The following ACTN2 variants were observed in gnomAD, a reference collection of about 807,000 sequenced individuals.
ACTN2 encodes actinin alpha 2.
In ACTN2, 39 loss-of-function variants were observed where a neutral mutation model predicts 113.8. That is an observed-to-expected ratio of 0.34 (90% CI 0.27 to 0.45). The LOEUF is 0.45. ACTN2 is among the 20% of genes least tolerant of loss of function. ACTN2 has a pLI of 1.00. For missense variants in ACTN2, 992 were observed against 1,177.9 expected (o/e 0.84, Z 2.31); for synonymous variants, 429 against 444.1 (o/e 0.97, Z 0.43).
At chr1:236,712,815 A>G (rs1475534135) in intron 1 of ACTN2, among the ~76,000 whole-genome samples, 1 of 152,176 alleles carries the variant, frequency 6.6e-6, no homozygotes, top group African/African-American at 2.4e-5. Context: ...TAACAGACAA[A>G]GTATGATGAC....
intron 1 of ACTN2, among the ~76,000 whole-genome samples, chr1:236,704,693 C>T (rs966261473): frequency 6.6e-6 from 1 of 152,196 alleles, no homozygotes; most frequent in African/African-American, 2.4e-5. Flanking sequence ...GAAAGGGGTG[C>T]ATAGCTTCTA....
intron 1 of ACTN2, among the ~76,000 whole-genome samples, chr1:236,709,112 G>A (rs819644): frequency 0.051 from 7,726 of 150,556 alleles, 244 homozygotes; most frequent in East Asian, 0.091. Context: ...AGTTTCACAC[G>A]AGAGGGTGTT....
At chr1:236,748,083 G>T in intron 13 of ACTN2, 1 of 348,114 alleles carries the variant, frequency 2.9e-6, no homozygotes, top group Non-Finnish European at 5.5e-6. Context: ...TTCTACCTGA[G>T]TAAATTGAGC....
chr1:236,753,875 T>TA, intron 15 of ACTN2, 72 bp from the exon 16 acceptor site: 1 of 910,666 alleles, frequency 1.1e-6, no homozygotes, highest in Non-Finnish European at 1.7e-6. Context: ...CTTGGACTAT[T>TA]CCCGCATTCT....
chr1:236,705,996 C>G (rs1025811200), intron 1 of ACTN2, among the ~76,000 whole-genome samples: 16 of 152,196 alleles, frequency 1.1e-4, no homozygotes, highest in African/African-American at 3.9e-4. Context: ...ACAATCTTTT[C>G]AAGTGCTGGG....
intron 1 of ACTN2, among the ~76,000 whole-genome samples, chr1:236,696,265 G>A (rs1657498697): frequency 6.7e-6 from 1 of 150,248 alleles, no homozygotes; most frequent in African/African-American, 2.5e-5. Flanking sequence ...CTGGAGCGCA[G>A]TGAGATCGTG....
intron 12 of ACTN2, among the ~76,000 whole-genome samples, chr1:236,746,165 C>CAAAAAAAAAAAAAAAAAAAAAAAA (rs55953102): frequency 1.2e-5 from 1 of 80,410 alleles, no homozygotes; most frequent in Non-Finnish European, 2.5e-5. Context: ...GACTCCATCT[C>CAAAAAAAAAAAAAAAAAAAAAAAA]AAAAAAAAAA....
At chr1:236,728,423 G>A (rs967320475) in intron 6 of ACTN2, among the ~76,000 whole-genome samples, 33 of 152,314 alleles carry the variant, frequency 2.2e-4, no homozygotes, top group Admixed American at 2.0e-3. Context: ...GATTACAGGC[G>A]TGAGCCCCTG....
chr1:236,721,466 C>T (rs563641552), intron 4 of ACTN2, among the ~76,000 whole-genome samples: 63 of 152,144 alleles, frequency 4.1e-4, no homozygotes, highest in Non-Finnish European at 7.1e-4. Context: ...CACCGGAGAC[C>T]GACTTATGTC....
At chr1:236,704,612 T>C (rs533798867) in intron 1 of ACTN2, among the ~76,000 whole-genome samples, 1 of 152,288 alleles carries the variant, frequency 6.6e-6, no homozygotes, top group East Asian at 1.9e-4. Context: ...CAGGTACGTA[T>C]ATTTACTGGC....
At chr1:236,737,062 A>T (rs576719354) in intron 8 of ACTN2, 60 bp from the exon 9 acceptor site, 27 of 1,418,600 alleles carry the variant, frequency 1.9e-5, no homozygotes, top group Non-Finnish European at 2.6e-5. Flanking sequence ...ACCTCGTTCC[A>T]TGCTGTGTGT....
At chr1:236,705,081 A>T (rs945132157) in intron 1 of ACTN2, among the ~76,000 whole-genome samples, 1 of 152,196 alleles carries the variant, frequency 6.6e-6, no homozygotes, top group African/African-American at 2.4e-5. Context: ...GAGTCCCTCC[A>T]GGGAAAGCCT....
chr1:236,761,072 G>A lies in ACTN2; in HGVS notation c.2425G>A (p.Val809Ile), dbSNP rs551605384. The A allele has an allele frequency of 1.2e-5, 20 of 1,613,998 alleles. No individual in the cohort carries two copies. In the East Asian group the frequency reaches 3.3e-4, roughly 27 times the overall value. Residue 809 changes from valine to isoleucine, a missense_variant, in exon 20 of 21, where the codon GTC becomes ATC. Transcript: ENST00000366578. The part of the protein sequence containing the change: ...TLVDPNGQGT[V>I]TFQSFIDFMT... ...GGTAGATCCCAACGGGCAAGGCACC[G>A]TCACCTTCCAATCCTTCATCGACTT...
At chr1:236,755,244 C>G in intron 17 of ACTN2, 46 bp downstream of exon 17, 1 of 1,608,620 alleles carries the variant, frequency 6.2e-7, no homozygotes. Context: ...TCACGGGGAC[C>G]ATGCCACCTC....
chr1:236,686,628 G>C lies in ACTN2; in HGVS notation c.-46G>C. On this transcript the variant is annotated 5_prime_UTR_variant, in exon 1 of 21. Coordinates refer to ENST00000366578, the MANE Select transcript of ACTN2 (RefSeq NM_001103.4). ...GGTCCGTTTGCCAGTCAGCCCGTGC[G>C]TCCGAGCCCCTCGCGCCCCGCCGCA... 1.3e-6 allele frequency: 2 copies of C among 1,523,974 alleles called. No individual in the cohort carries two copies. Among genetic ancestry groups the C allele is most frequent in the Non-Finnish European group, 1.8e-6 (2 of 1,135,348 alleles). 94.4% of individuals were successfully genotyped at this position (1,523,974 alleles called of 1,614,324 possible). A position where few individuals can be genotyped will look rare whatever the true frequency, so the allele number is the denominator to read the frequency against.
chr1:236,749,531 T>A (rs901683461), intron 14 of ACTN2, among the ~76,000 whole-genome samples: 3 of 152,184 alleles, frequency 2.0e-5, no homozygotes, highest in African/African-American at 7.2e-5. Flanking sequence ...GCGCAGTGGT[T>A]CATGCTTATA....
intron 4 of ACTN2, among the ~76,000 whole-genome samples, chr1:236,720,945 T>C (rs1336253505): frequency 6.7e-6 from 1 of 149,864 alleles, no homozygotes; most frequent in African/African-American, 2.5e-5. Context: ...ACCAGGTACC[T>C]GAGTGGTAAG....
Position 236,764,335 on chromosome 1 carries a change from C to T in ACTN2, c.*1716C>T, listed in dbSNP as rs1276724575. 1.3e-5 allele frequency: 2 copies of T among 152,078 alleles called. No individual in the cohort carries two copies. Among genetic ancestry groups the T allele is most frequent in the African/African-American group, 4.8e-5 (2 of 41,398 alleles). 9.4% of individuals were successfully genotyped at this position (152,078 alleles called of 1,614,324 possible). A position where few individuals can be genotyped will look rare whatever the true frequency, so the allele number is the denominator to read the frequency against. Reference sequence around the variant, plus strand: ...AGGTGCTATATCCCGGCCATAAACCCCTATAGAAAAGCCAGAAAGTTGTGC... The same window carrying T: ...AGGTGCTATATCCCGGCCATAAACCTCTATAGAAAAGCCAGAAAGTTGTGC... On this transcript the variant is annotated 3_prime_UTR_variant, in exon 21 of 21. Transcript: ENST00000366578.
Position 236,718,974 on chromosome 1 carries a change from G to A in ACTN2, c.322G>A (p.Ala108Thr). 1 of 1,614,164 alleles carries A rather than the reference G, an allele frequency of 6.2e-7. No homozygotes were observed. Among genetic ancestry groups the A allele is most frequent in the Middle Eastern group, 1.7e-4 (1 of 6,060 alleles). ...TGTCAACAAAGCTTTGGATTACATA[G>A]CCAGCAAAGGGGTGAAACTGGTGTC... is the stretch of plus-strand genomic sequence containing the variant. ...ANVNKALDYI[A>T]SKGVKLVSIG... Residue 108 changes from alanine (A) to threonine (T), a missense_variant, in exon 3 of 21, where the codon GCC becomes ACC. Coordinates refer to ENST00000366578, the MANE Select transcript of ACTN2 (RefSeq NM_001103.4).
Sources: allele counts gnomAD v4.1 joint callset (sites outside exome capture counted in the v4.1 genomes callset), GRCh38; gene constraint gnomAD v4.1.1; transcripts MANE v1.5; gene names NCBI Gene and HGNC (gene_info 2026-07-23, HGNC 2026-07-21).